Variants in POU5F1B observed in about 807,000 individuals in gnomAD.
POU5F1B encodes POU domain, class 5, transcription factor 1B.
POU5F1B carries 24 observed loss-of-function variants against 28.1 expected under a neutral mutation model. That is an observed-to-expected ratio of 0.85 (90% CI 0.62 to 1.20). The LOEUF (loss-of-function observed/expected upper bound fraction) is 1.20. Ranked by LOEUF, POU5F1B falls within the 50% of genes most tolerant of loss-of-function variation. The pLI is 0.00. For synonymous variants in POU5F1B, 220 were observed against 193.2 expected (o/e 1.14, Z -1.15); for missense variants, 451 against 451.5 (o/e 1.00, Z 0.01).
chr8:127,415,604 C>T, exon 3 of POU5F1B: 2 of 522,958 alleles, frequency 3.8e-6, no homozygotes, highest in Admixed American at 3.9e-5. Flanking sequence ...ACAATGGACA[C>T]ATTATTCAAC....
rs1012378262 is a variant in POU5F1B at position 127,415,880 on chromosome 8, T to C, written c.14T>C (p.Leu5Pro). ...CCTTCCTTCCCCATGGCGGGACACC[T>C]GGCTTCGGATTTCGCCTTCTCGCCC... Residue 5 changes from leucine (L) to proline (P), a missense_variant, in exon 3 of 3, where the codon CTG becomes CCG. Leu to Pro is a moderately conservative substitution (Grantham distance 98, BLOSUM62 -3). Coordinates refer to ENST00000465342, the Ensembl canonical transcript of POU5F1B. 7.8e-6 allele frequency: 12 copies of C among 1,530,594 alleles called. No homozygotes were observed. The African/African-American group carries it at 1.7e-4, about 21-fold the overall frequency. The allele number at this position is 1,530,594 out of a possible 1,614,324, so 94.8% of individuals were successfully genotyped here. A position where few individuals can be genotyped will look rare whatever the true frequency, so the allele number is the denominator to read the frequency against.
chr8:127,415,869 G>A (rs1288399514), exon 3 of POU5F1B: 1 of 1,523,554 alleles, frequency 6.6e-7, no homozygotes. Context: ...CCTTCCCCAT[G>A]GCGGGACACC....
exon 3 of POU5F1B, chr8:127,416,490 G>T: frequency 6.2e-7 from 1 of 1,609,426 alleles, no homozygotes; most frequent in East Asian, 2.2e-5. Flanking sequence ...AGAAGTGGGT[G>T]GAGGAAGCTG....
chr8:127,416,084 T>G, exon 3 of POU5F1B: 1 of 1,612,850 alleles, frequency 6.2e-7, no homozygotes, highest in South Asian at 1.1e-5. Context: ...TGTGGGGGGA[T>G]GGCGTACTGT....
At chr8:127,416,193 G>T (rs1311128048) in exon 3 of POU5F1B, 1 of 1,613,856 alleles carries the variant, frequency 6.2e-7, no homozygotes, top group Non-Finnish European at 8.5e-7. Context: ...ACTCCAATGG[G>T]GCCTCCCCGG....
chr8:127,415,814 T>C, exon 3 of POU5F1B: 1 of 1,466,544 alleles, frequency 6.8e-7, no homozygotes, highest in East Asian at 2.5e-5. Flanking sequence ...CAATGAAAAG[T>C]AACATAATTG....
exon 3 of POU5F1B, chr8:127,416,765 C>G: frequency 6.2e-7 from 1 of 1,607,428 alleles, no homozygotes; most frequent in Non-Finnish European, 8.5e-7. Flanking sequence ...TTTGAGGCTG[C>G]TGGGTCTCCT....
rs929489266 is a variant in POU5F1B at position 127,415,789 on chromosome 8, C to G, written c.-78C>G. The G allele has an allele frequency of 4.1e-6, 6 of 1,454,686 alleles. No individual in the cohort carries two copies. The African/African-American group carries it at 7.2e-5, about 17-fold the overall frequency. 90.1% of individuals were successfully genotyped at this position (1,454,686 alleles called of 1,614,324 possible). A position where few individuals can be genotyped will look rare whatever the true frequency, so the allele number is the denominator to read the frequency against. ...TGAGCGTATGACACACACAGCCATA[C>G]GGTCACAGAGCTTTCAATGAAAAGT... is the stretch of plus-strand genomic sequence containing the variant. On this transcript the variant is annotated 5_prime_UTR_variant, in exon 3 of 3. Coordinates refer to ENST00000465342, the Ensembl canonical transcript of POU5F1B.
At chr8:127,415,379 C>A (rs927701536) in intron 2 of POU5F1B, 3 of 154,454 alleles carry the variant, frequency 1.9e-5, no homozygotes, top group African/African-American at 7.2e-5. Flanking sequence ...CAGGGAATTT[C>A]TTTGGTTGCA....
chr8:127,416,087 C>T lies in POU5F1B; in HGVS notation c.221C>T (p.Ala74Val), dbSNP rs773140691. The change falls in exon 3 of 3, where the codon GCG becomes GTG. Residue 74 changes from alanine to valine, a missense_variant. Physicochemically the swap from Ala to Val is moderately conservative, Grantham distance 64 (BLOSUM62 0). Transcript: ENST00000465342. ...CCGTATGAGTTATGTGGGGGGATGG[C>T]GTACTGTGGGCCTCAGGTTGGAGTG... 8.1e-6 allele frequency: 13 copies of T among 1,612,712 alleles called. No individual in the cohort carries two copies. In the South Asian group the frequency reaches 1.3e-4, roughly 16 times the overall value.
At chr8:127,415,987 C>T (rs1231395535) in exon 3 of POU5F1B, 1 of 1,587,438 alleles carries the variant, frequency 6.3e-7, no homozygotes, top group Non-Finnish European at 8.6e-7. Flanking sequence ...CTTCCAAGGC[C>T]CTCCTGGAGG....
chr8:127,415,954 G>A (rs1815126201), exon 3 of POU5F1B: 1 of 1,571,980 alleles, frequency 6.4e-7, no homozygotes, highest in African/African-American at 1.3e-5. Flanking sequence ...GCCGGGCTGG[G>A]TTGATCCTCT....
intron 1 of POU5F1B, among the ~76,000 whole-genome samples, chr8:127,414,599 C>A (rs1815103248): frequency 1.3e-5 from 2 of 152,162 alleles, no homozygotes; most frequent in South Asian, 4.2e-4. Context: ...TAAACATTTG[C>A]CTGTCTTATT....
exon 3 of POU5F1B, chr8:127,416,471 C>T: frequency 6.2e-7 from 1 of 1,609,526 alleles, no homozygotes; most frequent in African/African-American, 1.3e-5. Context: ...AAGCTGCGGC[C>T]CTTGCTGCAG....
exon 3 of POU5F1B, chr8:127,416,941 A>G: frequency 1.2e-6 from 2 of 1,600,728 alleles, no homozygotes; most frequent in South Asian, 1.1e-5. Context: ...CATGCATTCA[A>G]ACTGAGGTGC....
At chr8:127,416,792 T>G (rs1815151337) in exon 3 of POU5F1B, 19 of 1,606,250 alleles carry the variant, frequency 1.2e-5, no homozygotes, top group Non-Finnish European at 1.5e-5. Flanking sequence ...GGGGGACCAG[T>G]GTCCTTTCCT....
At chr8:127,414,189 G>A (rs77547280) in intron 1 of POU5F1B, among the ~76,000 whole-genome samples, 93 of 152,312 alleles carry the variant, frequency 6.1e-4, no homozygotes, top group African/African-American at 2.0e-3. Flanking sequence ...GAAGGAGAAC[G>A]TTTAAGTTCC....
chr8:127,415,843 C>T (rs75427380), exon 3 of POU5F1B: 9 of 1,498,162 alleles, frequency 6.0e-6, no homozygotes, highest in African/African-American at 5.6e-5. Flanking sequence ...ACCAGGCCCC[C>T]GGCTTGGGGC....
At chr8:127,416,319 G>C in exon 3 of POU5F1B, 1 of 1,613,552 alleles carries the variant, frequency 6.2e-7, no homozygotes, top group Non-Finnish European at 8.5e-7. Context: ...AATTTGCCAA[G>C]CTCCTGAAGC....
Sources: gnomAD v4.1 joint callset for allele counts (sites outside exome capture counted in the v4.1 genomes callset) on GRCh38, gnomAD v4.1.1 for gene constraint, MANE v1.5 for transcripts, NCBI Gene and HGNC (gene_info 2026-07-23, HGNC 2026-07-21) for gene names.